FYB2: variants seen among roughly 807,000 people sequenced by gnomAD.
The protein encoded by FYB2 is FYN binding protein 2.
Under a neutral mutation model 94.1 loss-of-function variants are expected in FYB2, and 103 were observed. The observed-to-expected ratio is 1.09, with a 90% CI of 0.93 to 1.29. The LOEUF (loss-of-function observed/expected upper bound fraction) is 1.29. Ranked by LOEUF, FYB2 falls within the 50% of genes most tolerant of loss-of-function variation. The pLI is 0.00. For synonymous variants in FYB2, 293 were observed against 287.9 expected (o/e 1.02, Z -0.18); for missense variants, 896 against 841.5 (o/e 1.06, Z -0.80).
chr1:56,719,544 A>G lies in FYB2; in HGVS notation c.*127T>C, dbSNP rs187499629. On this transcript the variant is annotated 3_prime_UTR_variant, in exon 20 of 20. Coordinates refer to ENST00000343433, the MANE Select transcript of FYB2 (RefSeq NM_001004303.5). ...TTTATTTTTCTCTTTTAAGTTCAGA[A>G]CGAAAGTTTCCACAGATTCCACCAT... 10 of 794,120 alleles carry G rather than the reference A, an allele frequency of 1.3e-5. No individual in the cohort carries two copies. The highest frequency in any genetic ancestry group is 1.2e-4 in the African/African-American group (7 of 56,340). The allele number at this position is 794,120 out of a possible 1,614,324, so 49.2% of individuals were successfully genotyped here.
At chr1:56,797,047 G>A (rs970331468) in intron 1 of FYB2, among the ~76,000 whole-genome samples, 3 of 152,096 alleles carry the variant, frequency 2.0e-5, no homozygotes, top group African/African-American at 7.2e-5. Context: ...TCTGTGGAGG[G>A]AACATAGAAA....
chr1:56,791,757 G>A (rs1363750110), intron 2 of FYB2, among the ~76,000 whole-genome samples: 4 of 152,104 alleles, frequency 2.6e-5, no homozygotes, highest in Non-Finnish European at 5.9e-5. Flanking sequence ...TTATAAGAGA[G>A]CACTCAGGCT....
At chr1:56,730,977 G>A (rs1644695272) in intron 15 of FYB2, among the ~76,000 whole-genome samples, 1 of 152,078 alleles carries the variant, frequency 6.6e-6, no homozygotes, top group Non-Finnish European at 1.5e-5. Context: ...GAACATATTA[G>A]TGGGATATAT....
In FYB2 at chr1:56,792,796, A is replaced by G; in HGVS notation, c.17T>C (p.Val6Ala). The change falls in exon 2 of 20, where the codon GTA becomes GCA. Residue 6 changes from valine (V) to alanine (A), a missense_variant. Physicochemically the swap from Val to Ala is moderately conservative, Grantham distance 64. Transcript: ENST00000343433. Reference protein sequence around the residue: MEGEGVRNFKELRAKF... With the variant: MEGEGARNFKELRAKF... ...GGCTCGAAGTTCCTTGAAGTTTCTTACCCCTTCCTAAGGCAAAGAATAATC... is the reference window on the plus strand; with the variant it reads ...GGCTCGAAGTTCCTTGAAGTTTCTTGCCCCTTCCTAAGGCAAAGAATAATC... 6.2e-7 allele frequency: 1 copy of G among 1,609,384 alleles called. No homozygotes were observed. Among genetic ancestry groups the G allele is most frequent in the African/African-American group, 1.3e-5 (1 of 74,908 alleles).
chr1:56,747,297 A>G (rs551379144), intron 9 of FYB2, among the ~76,000 whole-genome samples: 1 of 151,634 alleles, frequency 6.6e-6, no homozygotes, highest in Admixed American at 6.6e-5. Flanking sequence ...ATACATGTGC[A>G]GAATATGCAG....
At chr1:56,775,628 GCCAGATATTTGAAT>G (rs1031307838) in intron 4 of FYB2, among the ~76,000 whole-genome samples, 18 of 152,198 alleles carry the variant, frequency 1.2e-4, no homozygotes, top group African/African-American at 4.3e-4. Flanking sequence ...GAGATAAGAA[GCCAGATATTTGAAT>G]CCAGATATTT....
chr1:56,802,073 T>C (rs1267924225), intron 1 of FYB2, among the ~76,000 whole-genome samples: 1 of 152,128 alleles, frequency 6.6e-6, no homozygotes, highest in South Asian at 2.1e-4. Flanking sequence ...CTCTAAAAGT[T>C]GCAAGCAGGA....
intron 16 of FYB2, among the ~76,000 whole-genome samples, chr1:56,726,062 G>A (rs1644577609): frequency 6.6e-6 from 1 of 151,972 alleles, no homozygotes; most frequent in Non-Finnish European, 1.5e-5. Flanking sequence ...AACACTAATT[G>A]TAGTCATAAC....
At chr1:56,723,213 ACACACACACACG>A (rs1361302780) in intron 17 of FYB2, among the ~76,000 whole-genome samples, 26 of 151,272 alleles carry the variant, frequency 1.7e-4, no homozygotes, top group African/African-American at 6.4e-4. Flanking sequence ...AGACACACAC[ACACACACACACG>A]CACACACACA....
intron 8 of FYB2, among the ~76,000 whole-genome samples, chr1:56,752,683 C>T (rs1187975026): frequency 1.3e-5 from 2 of 152,088 alleles, no homozygotes; most frequent in Non-Finnish European, 2.9e-5. Context: ...AGCAGCCCCT[C>T]ATTCACCTAA....
chr1:56,784,075 T>A (rs1440916262), intron 4 of FYB2, among the ~76,000 whole-genome samples: 1 of 152,146 alleles, frequency 6.6e-6, no homozygotes, highest in Non-Finnish European at 1.5e-5. Flanking sequence ...ACTGAGTAGA[T>A]CTTAAGATGT....
rs1388491663 is a variant in FYB2, at chr1:56,757,400, T to C, written c.1098+1316A>G. On this transcript the variant is annotated intron_variant, in intron 6 of 19. Coordinates refer to ENST00000343433, the MANE Select transcript of FYB2 (RefSeq NM_001004303.5). ...AAGGATCTAGACTAAATGTACCCAG[T>C]GAGAAAAGAGTAGAACCTTAACTGA... Among the ~76,000 whole-genome samples, 11 of 152,078 alleles carry C rather than the reference T, an allele frequency of 7.2e-5. No individual in the cohort carries two copies. In the East Asian group the frequency reaches 2.1e-3, roughly 29 times the overall value.
At chr1:56,819,514 A>G, upstream of FYB2, 2 of 620,512 alleles carry the variant, frequency 3.2e-6, no homozygotes, top group Non-Finnish European at 5.7e-6. Context: ...GGCTTAGACC[A>G]GCACCTGCAG....
intron 4 of FYB2, among the ~76,000 whole-genome samples, chr1:56,776,484 C>CT (rs750571474): frequency 4.6e-5 from 7 of 151,978 alleles, no homozygotes; most frequent in Admixed American, 6.6e-5. Context: ...AAAGCAGACT[C>CT]TTTTTTTTCC....
chr1:56,745,329 C>T (rs1464258389), intron 9 of FYB2, among the ~76,000 whole-genome samples: 1 of 152,046 alleles, frequency 6.6e-6, no homozygotes, highest in African/African-American at 2.4e-5. Flanking sequence ...AGCCTTCACA[C>T]CATTTCCTTT....
At chr1:56,742,653 C>T (rs1449681729) in intron 11 of FYB2, among the ~76,000 whole-genome samples, 1 of 152,066 alleles carries the variant, frequency 6.6e-6, no homozygotes, top group Non-Finnish European at 1.5e-5. Flanking sequence ...CCTAGCCCAA[C>T]ACATAAGCTT....
chr1:56,778,320 ATTACT>A (rs1557639907), intron 4 of FYB2, among the ~76,000 whole-genome samples: 1 of 152,158 alleles, frequency 6.6e-6, no homozygotes, highest in Non-Finnish European at 1.5e-5. Flanking sequence ...TAGTCTTGAA[ATTACT>A]TTATTACTCT....
At chr1:56,793,031 T>G (rs1411554169) in intron 1 of FYB2, among the ~76,000 whole-genome samples, 1 of 152,188 alleles carries the variant, frequency 6.6e-6, no homozygotes, top group African/African-American at 2.4e-5. Context: ...TATCTCTTTC[T>G]TAAACACTCC....
In FYB2 at chr1:56,792,352, G is replaced by C. The variant is rs111426835; in HGVS notation, c.461C>G (p.Ser154Cys). 1.7e-5 allele frequency: 28 copies of C among 1,614,160 alleles called. No homozygotes were observed. Among genetic ancestry groups the C allele is most frequent in the African/African-American group, 1.5e-4 (11 of 75,048 alleles). ...ATAGTTGGCAAGGAGAAGGGCTGAA[G>C]ACATTTCACTTTTCTGAGATGAAAC... ...EKVSSQKSEMSSALLLANYGS... is the reference protein window; with the variant it reads ...EKVSSQKSEMCSALLLANYGS... The change falls in exon 2 of 20, where the codon TCT becomes TGT. Residue 154 changes from serine (S) to cysteine (C), a missense_variant. Physicochemically the swap from Ser to Cys is moderately radical, Grantham distance 112. Coordinates refer to ENST00000343433, the MANE Select transcript of FYB2 (RefSeq NM_001004303.5).
Sources: allele counts gnomAD v4.1 joint callset (sites outside exome capture counted in the v4.1 genomes callset), GRCh38; gene constraint gnomAD v4.1.1; transcripts MANE v1.5; gene names NCBI Gene and HGNC (gene_info 2026-07-23, HGNC 2026-07-21).